PRORP: variants seen among roughly 807,000 people sequenced by gnomAD.
The protein encoded by PRORP is protein only RNase P catalytic subunit.
In PRORP, 51 loss-of-function variants were observed where a neutral mutation model predicts 59.4. The observed-to-expected ratio is 0.86, with a 90% CI of 0.69 to 1.08. PRORP has a LOEUF of 1.08. PRORP is among the 50% of genes least tolerant of loss of function. The pLI is 0.00. For missense variants in PRORP, 646 were observed against 690.3 expected (o/e 0.94, Z 0.72); for synonymous variants, 231 against 245.6 (o/e 0.94, Z 0.55).
intron 5 of PRORP, chr14:35,262,717 G>T: frequency 2.4e-6 from 2 of 848,518 alleles, no homozygotes. Flanking sequence ...GTTACACTGG[G>T]CTTCCATTAC....
At chr14:35,272,012 C>T (rs968587471) in intron 7 of PRORP, among the ~76,000 whole-genome samples, 1 of 149,114 alleles carries the variant, frequency 6.7e-6, no homozygotes, top group Non-Finnish European at 1.5e-5. Context: ...GGTGACAGAG[C>T]GAGACTCCGT....
chr14:35,243,707 G>A (rs10141688), intron 5 of PRORP, among the ~76,000 whole-genome samples: 7,435 of 152,224 alleles, frequency 0.049, 272 homozygotes, highest in African/African-American at 0.098. Context: ...TTACTGGCCT[G>A]TAACTTTGAA....
intron 4 of PRORP, chr14:35,144,000 A>G (rs2047546669): frequency 6.9e-6 from 1 of 145,826 alleles, no homozygotes; most frequent in Non-Finnish European, 1.5e-5. Context: ...TTATATTTAG[A>G]ATTAGCTATT....
At chr14:35,135,418 T>C (rs1395485670) in intron 4 of PRORP, among the ~76,000 whole-genome samples, 3 of 152,020 alleles carry the variant, frequency 2.0e-5, no homozygotes, top group Non-Finnish European at 4.4e-5. Flanking sequence ...CAGAGTTGAG[T>C]AGATATAAAG....
At chr14:35,136,626 C>T (rs539794072) in intron 4 of PRORP, among the ~76,000 whole-genome samples, 9 of 145,448 alleles carry the variant, frequency 6.2e-5, no homozygotes, top group Admixed American at 4.3e-4. Flanking sequence ...CCACCCACCT[C>T]GGCCTCCCAA....
At position 35,124,152 on chromosome 14, in the gene PRORP, G is replaced by C; in HGVS notation, c.907G>C (p.Asp303His). The C allele has an allele frequency of 6.2e-7, 1 of 1,606,580 alleles. No individual in the cohort carries two copies. The highest frequency in any genetic ancestry group is 1.3e-5 in the African/African-American group (1 of 74,456). Residue 303 changes from aspartate (D) to histidine (H), a missense_variant, in exon 2 of 8, where the codon GAT becomes CAT. Transcript: ENST00000534898. ...TGATAACTATTCAAATAAACTACTA[G>C]ATATTCTTTCATATCTAAGAAATAA... is the stretch of plus-strand genomic sequence containing the variant. ...KDDNYSNKLL[D>H]ILSYLRNNQL...
intron 5 of PRORP, among the ~76,000 whole-genome samples, chr14:35,251,362 T>C (rs1189242799): frequency 1.3e-5 from 2 of 152,192 alleles, no homozygotes; most frequent in Non-Finnish European, 2.9e-5. Context: ...AAGATCCTTT[T>C]TTTATATTAC....
At chr14:35,266,317 CAAA>C (rs35672758) in intron 5 of PRORP, among the ~76,000 whole-genome samples, 16 of 126,422 alleles carry the variant, frequency 1.3e-4, no homozygotes, top group Admixed American at 4.8e-4. Flanking sequence ...AACTCTGTCT[CAAA>C]AAAAAAAAAA....
chr14:35,185,844 A>G (rs2048726438), intron 5 of PRORP, among the ~76,000 whole-genome samples: 1 of 152,224 alleles, frequency 6.6e-6, no homozygotes. Flanking sequence ...TCAGATATGA[A>G]AGTGTATACT....
At chr14:35,212,015 C>T (rs760809112) in intron 5 of PRORP, among the ~76,000 whole-genome samples, 46 of 152,184 alleles carry the variant, frequency 3.0e-4, no homozygotes, top group Non-Finnish European at 3.7e-4. Flanking sequence ...ATCATTTCAA[C>T]AACGTTCACA....
At chr14:35,162,736 C>T (rs991615673) in intron 4 of PRORP, among the ~76,000 whole-genome samples, 1 of 151,844 alleles carries the variant, frequency 6.6e-6, no homozygotes, top group Non-Finnish European at 1.5e-5. Flanking sequence ...CCAACAAACA[C>T]AAAAAACTTC....
chr14:35,145,364 A>T (rs1475086402), intron 4 of PRORP, among the ~76,000 whole-genome samples: 1 of 144,592 alleles, frequency 6.9e-6, no homozygotes, highest in Non-Finnish European at 1.5e-5. Flanking sequence ...TTTATTAATT[A>T]TAAAAAATTT....
In PRORP at chr14:35,174,127, G is replaced by T. The variant is rs1248989709; in HGVS notation, c.1168-6543G>T. On this transcript the variant is annotated intron_variant, in intron 4 of 7. Transcript: ENST00000534898. ...TCCCACTCATTGAGGCAGTCACAAA[G>T]GAGAGCCCATATTCAAAGCATAGGG... is the stretch of plus-strand genomic sequence containing the variant. Among the ~76,000 whole-genome samples the T allele has an allele frequency of 3.7e-5, 4 of 108,562 alleles. No individual in the cohort carries two copies. In the East Asian group the frequency reaches 1.3e-3, roughly 35 times the overall value. The allele number at this position is 108,562 out of a possible 152,430, so 71.2% of individuals were successfully genotyped here. A position where few individuals can be genotyped will look rare whatever the true frequency, so the allele number is the denominator to read the frequency against.
At chr14:35,219,537 C>A (rs116827433) in intron 5 of PRORP, among the ~76,000 whole-genome samples, 1,539 of 152,292 alleles carry the variant, frequency 0.01, 28 homozygotes, top group African/African-American at 0.035. Flanking sequence ...GGTGGCCACT[C>A]AAAAAGCATA....
At chr14:35,122,153 C>T (rs1013379885), upstream of PRORP, 1 of 585,056 alleles carries the variant, frequency 1.7e-6, no homozygotes, top group Non-Finnish European at 3.1e-6. Flanking sequence ...ACCGCTACCA[C>T]GCTGACTGGG....
chr14:35,266,923 A>AGATG, intron 6 of PRORP, 48 bp downstream of exon 6: 1 of 1,595,968 alleles, frequency 6.3e-7, no homozygotes, highest in Non-Finnish European at 8.6e-7. Flanking sequence ...GCAGACATCT[A>AGATG]TCTGCTTGTT....
chr14:35,263,976 A>C, intron 5 of PRORP, among the ~76,000 whole-genome samples: 1 of 151,266 alleles, frequency 6.6e-6, no homozygotes, highest in Non-Finnish European at 1.5e-5. Context: ...ATGGTGTCTC[A>C]CTCTGTTGCC....
intron 5 of PRORP, among the ~76,000 whole-genome samples, chr14:35,261,497 A>G (rs28525079): frequency 0.78 from 118,032 of 152,048 alleles, 45,906 homozygotes; most frequent in Middle Eastern, 0.83. Context: ...TTGGGAGGCC[A>G]AGGCGGGCAG....
intron 4 of PRORP, among the ~76,000 whole-genome samples, chr14:35,172,741 T>A (rs1329982845): frequency 1.3e-5 from 2 of 151,730 alleles, no homozygotes; most frequent in African/African-American, 4.8e-5. Context: ...CTAATTTTTT[T>A]ATTTTTAGTA....
Sources: gnomAD v4.1 joint callset for allele counts (sites outside exome capture counted in the v4.1 genomes callset) on GRCh38, gnomAD v4.1.1 for gene constraint, MANE v1.5 for transcripts, NCBI Gene and HGNC (gene_info 2026-07-23, HGNC 2026-07-21) for gene names.